Variants in TDRP observed in about 807,000 individuals in gnomAD.
TDRP encodes the protein testis development related protein, also known as testis development-related protein.
In TDRP, 12 loss-of-function variants were observed where a neutral mutation model predicts 10.5. The ratio of observed to expected loss-of-function variants is 1.15; its 90% CI spans 0.73 to 1.86. TDRP has a LOEUF of 1.86. Among genes scored for constraint, TDRP ranks in the 40% most tolerant of loss-of-function variants. The probability of loss-of-function intolerance (pLI) is 0.00; values close to 1 mark genes in which losing one functional copy is unlikely to be tolerated. For synonymous variants in TDRP, 139 were observed against 95.4 expected, an observed-to-expected ratio of 1.46 and a Z score of -2.67; for missense variants, 353 against 229.2, an observed-to-expected ratio of 1.54 and a Z score of -3.49.
At chr8:534,299 G>A (rs1215395533) in intron 1 of TDRP, among the ~76,000 whole-genome samples, 1 of 152,194 alleles carries the variant, frequency 6.6e-6, no homozygotes. Context: ...CAGTCAATTA[G>A]CAAATACTAA....
chr8:492,466 C>G lies in TDRP; in HGVS notation c.491G>C (p.Gly164Ala), dbSNP rs933724089. The G allele has an allele frequency of 3.7e-6, 6 of 1,603,610 alleles. No homozygotes were observed. Among genetic ancestry groups the G allele is most frequent in the Non-Finnish European group, 5.1e-6 (6 of 1,172,496 alleles). Reference protein sequence around the residue: ...NSSRWSLRAAGRLVSIRRQSK... With the variant: ...NSSRWSLRAAARLVSIRRQSK... The stretch of plus-strand genomic sequence containing the variant: ...CTGCCGTCGGATGCTCACCAGCCTC[C>G]CTGCCGCGCGCAGGCTCCACCTGGA... The change falls in exon 3 of 3, where the codon GGG (glycine) becomes GCG (alanine). Residue 164 changes from glycine to alanine, a missense_variant. Gly to Ala is a moderately conservative substitution (Grantham distance 60, BLOSUM62 0). Transcript: ENST00000324079.
At chr8:506,425 C>A (rs1022511128) in intron 1 of TDRP, among the ~76,000 whole-genome samples, 4 of 152,176 alleles carry the variant, frequency 2.6e-5, no homozygotes, top group African/African-American at 9.6e-5. Flanking sequence ...AACTGGACTT[C>A]AGCTTCTCAC....
chr8:511,288 CAG>C (rs899439576), intron 1 of TDRP, among the ~76,000 whole-genome samples: 7 of 151,884 alleles, frequency 4.6e-5, no homozygotes, highest in African/African-American at 7.2e-5. Context: ...AGGAAGGAAA[CAG>C]AGATATGCAA....
At chr8:528,976 G>A (rs1249422372) in intron 1 of TDRP, among the ~76,000 whole-genome samples, 1 of 152,120 alleles carries the variant, frequency 6.6e-6, no homozygotes, top group Non-Finnish European at 1.5e-5. Context: ...GAAGAACTTG[G>A]GAGTCTGATG....
At chr8:507,279 A>T (rs1291020015) in intron 1 of TDRP, among the ~76,000 whole-genome samples, 1 of 152,162 alleles carries the variant, frequency 6.6e-6, no homozygotes, top group African/African-American at 2.4e-5. Flanking sequence ...ACACAGAGCC[A>T]AGCCATATCA....
At chr8:539,428 A>G (rs1802433379) in intron 1 of TDRP, among the ~76,000 whole-genome samples, 1 of 152,204 alleles carries the variant, frequency 6.6e-6, no homozygotes, top group African/African-American at 2.4e-5. Context: ...GAAGCTGCCC[A>G]GTTTATCCTA....
At chr8:513,573 G>T (rs1362084786) in intron 1 of TDRP, among the ~76,000 whole-genome samples, 1 of 152,186 alleles carries the variant, frequency 6.6e-6, no homozygotes, top group African/African-American at 2.4e-5. Context: ...AAGACTGAAA[G>T]CTTGCCTCCC....
chr8:540,322 A>G (rs980861324), intron 1 of TDRP, among the ~76,000 whole-genome samples: 3 of 152,224 alleles, frequency 2.0e-5, no homozygotes, highest in African/African-American at 7.2e-5. Context: ...CATGAGACAC[A>G]TATTATGAAG....
chr8:520,199 C>T (rs936230926), intron 1 of TDRP, among the ~76,000 whole-genome samples: 20 of 152,168 alleles, frequency 1.3e-4, no homozygotes, highest in African/African-American at 4.3e-4. Context: ...AGTAGAACCA[C>T]GCATTAGTTG....
intron 1 of TDRP, among the ~76,000 whole-genome samples, chr8:514,021 C>G (rs954001325): frequency 6.6e-6 from 1 of 151,554 alleles, no homozygotes; most frequent in Non-Finnish European, 1.5e-5. Flanking sequence ...GCAATACTCC[C>G]CAAACTGATC....
intron 1 of TDRP, among the ~76,000 whole-genome samples, chr8:529,747 G>A (rs1364553200): frequency 6.6e-6 from 1 of 152,088 alleles, no homozygotes; most frequent in East Asian, 1.9e-4. Flanking sequence ...ATAATCTTAT[G>A]GGAGCTCCCT....
intron 1 of TDRP, among the ~76,000 whole-genome samples, chr8:528,778 T>C (rs559103136): frequency 6.6e-6 from 1 of 152,190 alleles, no homozygotes; most frequent in Non-Finnish European, 1.5e-5. Flanking sequence ...TAGAATAGGA[T>C]ATATACATAT....
chr8:529,405 TCAC>T (rs1042137869), intron 1 of TDRP, among the ~76,000 whole-genome samples: 4 of 152,242 alleles, frequency 2.6e-5, no homozygotes, highest in Admixed American at 6.5e-5. Context: ...AGTTGTTTGC[TCAC>T]CACCATTACT....
At chr8:528,171 G>C (rs1211689397) in intron 1 of TDRP, among the ~76,000 whole-genome samples, 1 of 152,186 alleles carries the variant, frequency 6.6e-6, no homozygotes, top group East Asian at 1.9e-4. Flanking sequence ...TTCAACATCA[G>C]TGATCATCAG....
At chr8:534,525 G>A (rs1454372473) in intron 1 of TDRP, among the ~76,000 whole-genome samples, 1 of 152,192 alleles carries the variant, frequency 6.6e-6, no homozygotes, top group African/African-American at 2.4e-5. Flanking sequence ...CGTAGGGAGT[G>A]CCACAGCTTT....
chr8:516,999 C>G (rs2335776), intron 1 of TDRP, among the ~76,000 whole-genome samples: 99,805 of 151,936 alleles, frequency 0.66, 33,205 homozygotes, highest in Admixed American at 0.71. Flanking sequence ...AAATTCTAAG[C>G]CTCCTGATGC....
chr8:527,239 T>G (rs530357616), intron 1 of TDRP, among the ~76,000 whole-genome samples: 1 of 152,054 alleles, frequency 6.6e-6, no homozygotes, highest in Non-Finnish European at 1.5e-5. Flanking sequence ...CAATGAAAAC[T>G]ATAAAACACT....
chr8:524,531 A>G (rs1801987362), intron 1 of TDRP, among the ~76,000 whole-genome samples: 1 of 152,256 alleles, frequency 6.6e-6, no homozygotes, highest in African/African-American at 2.4e-5. Context: ...ACAAAATTCA[A>G]GATGACACAG....
chr8:522,572 C>G (rs1431030930), intron 1 of TDRP, among the ~76,000 whole-genome samples: 3 of 152,182 alleles, frequency 2.0e-5, no homozygotes, highest in African/African-American at 7.2e-5. Flanking sequence ...AATTAAATAA[C>G]TGTCTTTGTT....
Sources: gnomAD v4.1 joint callset for allele counts (sites outside exome capture counted in the v4.1 genomes callset) on GRCh38, gnomAD v4.1.1 for gene constraint, MANE v1.5 for transcripts, NCBI Gene and HGNC (gene_info 2026-07-23, HGNC 2026-07-21) for gene names.